The following PAK1 variants were observed in gnomAD, a reference collection of about 807,000 sequenced individuals.
PAK1 encodes serine/threonine-protein kinase PAK 1.
In PAK1, 29 loss-of-function variants were observed where a neutral mutation model predicts 67.4. The observed-to-expected ratio is 0.43, with a 90% CI of 0.32 to 0.59. The LOEUF (loss-of-function observed/expected upper bound fraction) is 0.59, where lower values mean the gene tolerates loss of function less well. PAK1 is among the 20% of genes least tolerant of loss of function. The pLI, the probability that PAK1 is intolerant of heterozygous loss-of-function variation, is 0.07. For missense variants in PAK1, 337 were observed against 670.7 expected (o/e 0.50, Z 5.50); for synonymous variants, 223 against 237.4 (o/e 0.94, Z 0.56).
chr11:77,515,843 AC>A, the PAK1 span, among the ~76,000 whole-genome samples: 60 of 152,214 alleles, frequency 3.9e-4, no homozygotes, highest in Admixed American at 5.9e-4. Flanking sequence ...TTCCAAGAGC[AC>A]TGCTGCAAGC....
At chr11:77,421,735 G>T (rs1233035755) in intron 1 of PAK1, among the ~76,000 whole-genome samples, 1 of 152,200 alleles carries the variant, frequency 6.6e-6, no homozygotes, top group African/African-American at 2.4e-5. Context: ...TAAAGTAATT[G>T]TCCAAGAGTT....
chr11:77,424,732 C>T (rs924910175), intron 1 of PAK1, among the ~76,000 whole-genome samples: 2 of 152,188 alleles, frequency 1.3e-5, no homozygotes, highest in Non-Finnish European at 2.9e-5. Context: ...CTTCAGGTGT[C>T]CTCTCCTCTA....
At chr11:77,337,223 C>A in intron 12 of PAK1, 101 bp downstream of exon 12, 5 of 544,478 alleles carry the variant, frequency 9.2e-6, no homozygotes, top group South Asian at 5.8e-5. Context: ...TCATAAAGAC[C>A]CTTTGGTGAG....
the PAK1 span, among the ~76,000 whole-genome samples, chr11:77,480,034 C>T: frequency 1.3e-5 from 2 of 152,186 alleles, no homozygotes; most frequent in Non-Finnish European, 2.9e-5. Context: ...TCTCAGGACT[C>T]TTACAGCCAA....
intron 1 of PAK1, among the ~76,000 whole-genome samples, chr11:77,459,741 G>C (rs560785234): frequency 5.6e-5 from 8 of 143,168 alleles, no homozygotes; most frequent in Non-Finnish European, 1.2e-4. Flanking sequence ...CACCCAGGCC[G>C]GACTGCAGTG....
At chr11:77,509,593 T>C in the PAK1 span, among the ~76,000 whole-genome samples, 1 of 152,204 alleles carries the variant, frequency 6.6e-6, no homozygotes, top group African/African-American at 2.4e-5. Flanking sequence ...CCAGATCTCA[T>C]GTTGAATTGT....
At chr11:77,358,622 T>C (rs1946360293) in intron 6 of PAK1, among the ~76,000 whole-genome samples, 1 of 152,208 alleles carries the variant, frequency 6.6e-6, no homozygotes, top group South Asian at 2.1e-4. Flanking sequence ...TATATCTTCC[T>C]GTCCTATCTG....
chr11:77,387,265 G>T (rs1474592531), intron 2 of PAK1, among the ~76,000 whole-genome samples: 1 of 151,642 alleles, frequency 6.6e-6, no homozygotes, highest in African/African-American at 2.4e-5. Context: ...TAGAGACAGG[G>T]TTTTGCCATG....
intron 13 of PAK1, among the ~76,000 whole-genome samples, chr11:77,333,515 T>C (rs1942116619): frequency 6.6e-6 from 1 of 152,178 alleles, no homozygotes; most frequent in South Asian, 2.1e-4. Flanking sequence ...TATTCTTGCT[T>C]ACACATCTGA....
chr11:77,491,952 A>G, the PAK1 span, among the ~76,000 whole-genome samples: 1 of 152,256 alleles, frequency 6.6e-6, no homozygotes, highest in Non-Finnish European at 1.5e-5. Flanking sequence ...AACACACTTC[A>G]TCTATAAAGA....
upstream of PAK1, among the ~76,000 whole-genome samples, chr11:77,479,083 T>TG (rs1565732621): frequency 1.2e-4 from 14 of 112,572 alleles, no homozygotes; most frequent in Non-Finnish European, 1.6e-4. Context: ...AGACTCCGTC[T>TG]CAAAAAAAAA....
intron 5 of PAK1, among the ~76,000 whole-genome samples, chr11:77,364,789 A>T (rs1249563509): frequency 6.6e-6 from 1 of 152,164 alleles, no homozygotes; most frequent in Non-Finnish European, 1.5e-5. Flanking sequence ...ACTAAAAGAA[A>T]CCATGTTTAA....
At chr11:77,506,155 C>G in the PAK1 span, among the ~76,000 whole-genome samples, 2 of 152,204 alleles carry the variant, frequency 1.3e-5, no homozygotes, top group Non-Finnish European at 2.9e-5. Context: ...CTGTGCCAAG[C>G]CCCTTGCATG....
At chr11:77,472,776 C>T (rs1015006045) in intron 1 of PAK1, among the ~76,000 whole-genome samples, 1 of 152,192 alleles carries the variant, frequency 6.6e-6, no homozygotes, top group African/African-American at 2.4e-5. Flanking sequence ...ACTAACCCTT[C>T]CCTTCACTGT....
Position 77,392,931 on chromosome 11 carries a change from A to G in PAK1, c.-21-390T>C, listed in dbSNP as rs567974029. Among the ~76,000 whole-genome samples, 4 of 152,346 alleles carry G rather than the reference A, an allele frequency of 2.6e-5. No individual in the cohort carries two copies. The East Asian group carries it at 7.7e-4, about 29-fold the overall frequency. Reference sequence around the variant, plus strand: ...TTCATCTATGTGAAGATTAAATAAAACTGCTAACAGCATTCCACATAGTGA... The same window carrying G: ...TTCATCTATGTGAAGATTAAATAAAGCTGCTAACAGCATTCCACATAGTGA... On this transcript the variant is annotated intron_variant, in intron 1 of 14. Transcript: ENST00000356341.
intron 1 of PAK1, among the ~76,000 whole-genome samples, chr11:77,450,720 G>C (rs1288957741): frequency 6.6e-6 from 1 of 152,180 alleles, no homozygotes; most frequent in African/African-American, 2.4e-5. Context: ...GAGACACTTA[G>C]AATAACAGAG....
At chr11:77,410,468 G>A (rs1954334621) in intron 1 of PAK1, among the ~76,000 whole-genome samples, 1 of 152,148 alleles carries the variant, frequency 6.6e-6, no homozygotes. Flanking sequence ...GAGTTAGGTA[G>A]AAAACAATGT....
intron 14 of PAK1, among the ~76,000 whole-genome samples, chr11:77,330,688 G>A (rs1055212509): frequency 6.6e-6 from 1 of 152,198 alleles, no homozygotes. Flanking sequence ...AACCCTAGAA[G>A]AAAACCTAGG....
Position 77,453,626 on chromosome 11 carries a change from T to C in PAK1, c.-22+19926A>G, listed in dbSNP as rs554535375. Among the ~76,000 whole-genome samples the C allele has an allele frequency of 7.9e-5, 12 of 152,110 alleles. No homozygotes were observed. In the South Asian group the frequency reaches 2.5e-3, roughly 32 times the overall value. On this transcript the variant is annotated intron_variant, in intron 1 of 14. Transcript: ENST00000356341. ...TAGTGCCAGGGAAGAACATAAAATA[T>C]GTATGGTCACAGCAAGCTGAATACA... is the stretch of plus-strand genomic sequence containing the variant.
Sources: allele counts gnomAD v4.1 joint callset (sites outside exome capture counted in the v4.1 genomes callset), GRCh38; gene constraint gnomAD v4.1.1; transcripts MANE v1.5; gene names NCBI Gene and HGNC (gene_info 2026-07-23, HGNC 2026-07-21).